PTPRD: variants seen among roughly 807,000 people sequenced by gnomAD.
The protein encoded by PTPRD is protein tyrosine phosphatase receptor type D, also known as receptor-type tyrosine-protein phosphatase delta.
In PTPRD, 34 loss-of-function variants were observed where a neutral mutation model predicts 214.5. That is an observed-to-expected ratio of 0.16 (90% CI 0.12 to 0.21). The LOEUF (loss-of-function observed/expected upper bound fraction) is 0.21, where lower values mean the gene tolerates loss of function less well. PTPRD is among the 10% of genes least tolerant of loss of function. The pLI is 1.00. For missense variants in PTPRD, 2,545 were observed against 2,398.7 expected (o/e 1.06, Z -1.27); for synonymous variants, 1,128 against 845.7 (o/e 1.33, Z -5.79).
chr9:9,812,764 T>C (rs749812349), intron 5 of PTPRD, among the ~76,000 whole-genome samples: 3 of 152,254 alleles, frequency 2.0e-5, no homozygotes, highest in Non-Finnish European at 4.4e-5. Context: ...CAGACTTGAC[T>C]AACACTATAT....
chr9:9,614,474 T>G (rs2154347748), intron 7 of PTPRD, among the ~76,000 whole-genome samples: 1 of 152,332 alleles, frequency 6.6e-6, no homozygotes, highest in Middle Eastern at 3.4e-3. Context: ...TATATTTCTT[T>G]GCAAAACATA....
At chr9:8,353,265 A>G (rs1450575067) in intron 39 of PTPRD, among the ~76,000 whole-genome samples, 8 of 152,174 alleles carry the variant, frequency 5.3e-5, no homozygotes, top group Admixed American at 5.2e-4. Context: ...CTCACTCTCA[A>G]TACAATCAGT....
chr9:8,407,294 CA>C, intron 35 of PTPRD, among the ~76,000 whole-genome samples: 1 of 152,260 alleles, frequency 6.6e-6, no homozygotes, highest in East Asian at 1.9e-4. Flanking sequence ...ACAATTGTTA[CA>C]AGGTAGGTAT....
intron 8 of PTPRD, among the ~76,000 whole-genome samples, chr9:9,505,617 T>C (rs1173063050): frequency 6.6e-6 from 1 of 151,492 alleles, no homozygotes. Flanking sequence ...TCAATGGCCA[T>C]ACTGCATTCT....
intron 9 of PTPRD, among the ~76,000 whole-genome samples, chr9:9,221,031 C>A (rs2099955650): frequency 6.6e-6 from 1 of 152,038 alleles, no homozygotes. Flanking sequence ...CTGTCCCTCT[C>A]CCTGGTTGAA....
At chr9:8,596,679 AGT>A (rs1333247617) in intron 14 of PTPRD, among the ~76,000 whole-genome samples, 1 of 152,150 alleles carries the variant, frequency 6.6e-6, no homozygotes, top group Non-Finnish European at 1.5e-5. Context: ...TATATACAAT[AGT>A]ACTAATATAT....
chr9:8,470,924 C>G (rs1262300763), intron 31 of PTPRD, 71 bp downstream of exon 31: 4 of 1,414,038 alleles, frequency 2.8e-6, no homozygotes, highest in Admixed American at 3.4e-5. Context: ...GAAAGGCCTC[C>G]AAGGGAGGGG....
At chr9:9,408,949 T>C (rs1253659561) in intron 8 of PTPRD, among the ~76,000 whole-genome samples, 1 of 151,940 alleles carries the variant, frequency 6.6e-6, no homozygotes, top group Non-Finnish European at 1.5e-5. Flanking sequence ...ATGCAATGTA[T>C]TGCAAAATAT....
intron 11 of PTPRD, among the ~76,000 whole-genome samples, chr9:8,935,678 G>C (rs1026213289): frequency 6.6e-6 from 1 of 152,212 alleles, no homozygotes; most frequent in African/African-American, 2.4e-5. Context: ...CACTGGGGAA[G>C]GCCCCCCACA....
intron 11 of PTPRD, among the ~76,000 whole-genome samples, chr9:9,010,524 T>C (rs1010659117): frequency 6.6e-6 from 1 of 152,214 alleles, no homozygotes; most frequent in African/African-American, 2.4e-5. Context: ...AGAGGAGTTC[T>C]GTTATTTATT....
intron 39 of PTPRD, among the ~76,000 whole-genome samples, chr9:8,364,078 C>A (rs942240053): frequency 6.6e-6 from 1 of 152,202 alleles, no homozygotes; most frequent in African/African-American, 2.4e-5. Context: ...CAGCTAAATA[C>A]TGGCATATAA....
chr9:9,391,607 C>T (rs538107906), intron 9 of PTPRD, among the ~76,000 whole-genome samples: 1 of 152,244 alleles, frequency 6.6e-6, no homozygotes, highest in African/African-American at 2.4e-5. Context: ...TGTGAGTCCT[C>T]ATTTGTATAT....
chr9:8,330,422 C>CA (rs1276134918), intron 44 of PTPRD, among the ~76,000 whole-genome samples: 2 of 152,082 alleles, frequency 1.3e-5, no homozygotes, highest in African/African-American at 2.4e-5. Flanking sequence ...ACTGGGAAAC[C>CA]AAAAAGTATG....
At chr9:9,629,016 A>T (rs1427259473) in intron 7 of PTPRD, among the ~76,000 whole-genome samples, 1 of 151,062 alleles carries the variant, frequency 6.6e-6, no homozygotes, top group Non-Finnish European at 1.5e-5. Context: ...TACCAAAAAT[A>T]CAAAAAAATT....
intron 39 of PTPRD, 87 bp downstream of exon 39, chr9:8,375,849 C>G: frequency 6.9e-7 from 1 of 1,449,558 alleles, no homozygotes; most frequent in Non-Finnish European, 9.3e-7. Flanking sequence ...ATTTACTATT[C>G]CAGAATGTCA....
intron 39 of PTPRD, among the ~76,000 whole-genome samples, chr9:8,360,136 G>C (rs1225939609): frequency 6.6e-6 from 1 of 152,148 alleles, no homozygotes; most frequent in African/African-American, 2.4e-5. Flanking sequence ...AGTTGTTTCT[G>C]TAAAAACCAA....
intron 3 of PTPRD, among the ~76,000 whole-genome samples, chr9:10,257,821 T>A (rs1281150342): frequency 6.6e-6 from 1 of 152,174 alleles, no homozygotes; most frequent in Non-Finnish European, 1.5e-5. Context: ...CAAGGCCAAC[T>A]AAAATGTTAA....
At chr9:9,478,992 A>G (rs2095261042) in intron 8 of PTPRD, among the ~76,000 whole-genome samples, 1 of 152,140 alleles carries the variant, frequency 6.6e-6, no homozygotes, top group South Asian at 2.1e-4. Flanking sequence ...CACATAATAC[A>G]CAGGCTAATT....
chr9:9,479,216 C>CT (rs892819917), intron 8 of PTPRD, among the ~76,000 whole-genome samples: 6 of 10,908 alleles, frequency 5.5e-4, no homozygotes, highest in Non-Finnish European at 1.5e-3. Flanking sequence ...CACACACACG[C>CT]CCCCCCCCCC....
Sources: allele counts gnomAD v4.1 joint callset (sites outside exome capture counted in the v4.1 genomes callset), GRCh38; gene constraint gnomAD v4.1.1; transcripts MANE v1.5; gene names NCBI Gene and HGNC (gene_info 2026-07-23, HGNC 2026-07-21).